STK32B: variants seen among roughly 807,000 people sequenced by gnomAD.
STK32B encodes serine/threonine kinase 32B.
STK32B carries 43 observed loss-of-function variants against 52.6 expected under a neutral mutation model. The observed-to-expected ratio is 0.82, with a 90% confidence interval of 0.64 to 1.05. The LOEUF is 1.05. Ranked by LOEUF, STK32B falls within the 50% of genes least tolerant of loss-of-function variation. The pLI, the probability that STK32B is intolerant of heterozygous loss-of-function variation, is 0.00. For missense variants in STK32B, 621 were observed against 534.6 expected (o/e 1.16, Z -1.59); for synonymous variants, 238 against 204.3 (o/e 1.17, Z -1.41).
intron 3 of STK32B, among the ~76,000 whole-genome samples, chr4:5,317,004 TAA>T (rs1491561407): frequency 2.8e-5 from 1 of 36,192 alleles, no homozygotes; most frequent in Non-Finnish European, 3.8e-5. Flanking sequence ...ATATAATATA[TAA>T]TATATATAAT....
Position 5,177,855 on chromosome 4 carries a change from G to T in STK32B, c.260+9405G>T, listed in dbSNP as rs530009802. Among the ~76,000 whole-genome samples, 5 of 152,318 alleles carry T rather than the reference G, an allele frequency of 3.3e-5. No individual in the cohort carries two copies. The South Asian group carries it at 1.0e-3, about 32-fold the overall frequency. On this transcript the variant is annotated intron_variant, in intron 3 of 11. Transcript: ENST00000282908. Reference sequence around the variant, plus strand: ...CAGGTCATGATGATGCAAGAGTTGGGCTCCCCAGGCCTTGGGCAGCTCTGC... The same window carrying T: ...CAGGTCATGATGATGCAAGAGTTGGTCTCCCCAGGCCTTGGGCAGCTCTGC...
chr4:5,165,833 ACT>A (rs1247159588), intron 2 of STK32B, among the ~76,000 whole-genome samples: 1 of 152,070 alleles, frequency 6.6e-6, no homozygotes, highest in Non-Finnish European at 1.5e-5. Context: ...CGTAAATTTT[ACT>A]CTGTGGAAAA....
At chr4:5,381,194 C>T (rs1203696815) in intron 4 of STK32B, among the ~76,000 whole-genome samples, 1 of 152,150 alleles carries the variant, frequency 6.6e-6, no homozygotes, top group Non-Finnish European at 1.5e-5. Context: ...CCCAAGACTC[C>T]CTGGTTAGGA....
chr4:5,117,759 A>C (rs1188921252), intron 1 of STK32B, among the ~76,000 whole-genome samples: 1 of 152,164 alleles, frequency 6.6e-6, no homozygotes, highest in African/African-American at 2.4e-5. Flanking sequence ...TATATTATGT[A>C]ATCAAATACA....
At chr4:5,443,754 G>C (rs1230332584) in intron 6 of STK32B, among the ~76,000 whole-genome samples, 1 of 152,072 alleles carries the variant, frequency 6.6e-6, no homozygotes, top group Admixed American at 6.5e-5. Flanking sequence ...GGTCTTTGAT[G>C]ATGGTGATGT....
At chr4:5,486,269 C>T (rs1719191896) in intron 11 of STK32B, among the ~76,000 whole-genome samples, 2 of 152,200 alleles carry the variant, frequency 1.3e-5, no homozygotes, top group African/African-American at 4.8e-5. Context: ...TGTTTACCTA[C>T]TCAAGCCTTG....
intron 4 of STK32B, among the ~76,000 whole-genome samples, chr4:5,377,029 C>T (rs1735630529): frequency 6.6e-6 from 1 of 152,156 alleles, no homozygotes; most frequent in African/African-American, 2.4e-5. Context: ...GACTGCTACA[C>T]CCCTGCCCCC....
intron 6 of STK32B, among the ~76,000 whole-genome samples, chr4:5,423,712 A>G (rs545741021): frequency 6.6e-6 from 1 of 152,102 alleles, no homozygotes; most frequent in African/African-American, 2.4e-5. Flanking sequence ...CACTAGGGAG[A>G]TGATGGGGCT....
rs564476123 is a variant in STK32B, at chr4:5,404,623, T to C, written c.472+6379T>C. Among the ~76,000 whole-genome samples the C allele has an allele frequency of 5.7e-4, 87 of 152,126 alleles. 1 individual carries two copies. The highest frequency in any genetic ancestry group is 2.0e-3 in the African/African-American group (85 of 41,474). On this transcript the variant is annotated intron_variant, in intron 5 of 11. Transcript: ENST00000282908. ...CAACCTCATCAACATGGATATCCTC[T>C]TCCATATTTTGGTCTCTTAATCTAC...
intron 3 of STK32B, among the ~76,000 whole-genome samples, chr4:5,264,879 C>A (rs1008530030): frequency 6.6e-6 from 1 of 152,046 alleles, no homozygotes; most frequent in African/African-American, 2.4e-5. Context: ...ATTCTTTATC[C>A]CAACATATGG....
At chr4:5,327,641 G>A (rs1023522500) in intron 3 of STK32B, among the ~76,000 whole-genome samples, 7 of 151,970 alleles carry the variant, frequency 4.6e-5, no homozygotes, top group Admixed American at 4.6e-4. Flanking sequence ...GCTGTCATCT[G>A]GGGTTTTTTA....
At chr4:5,083,740 A>ATTT (rs34158437) in intron 1 of STK32B, among the ~76,000 whole-genome samples, 32 of 144,238 alleles carry the variant, frequency 2.2e-4, no homozygotes, top group African/African-American at 6.4e-4. Flanking sequence ...TCTGTTACCT[A>ATTT]TTTTTTTTTT....
chr4:5,168,600 A>G, intron 3 of STK32B, 150 bp downstream of exon 3: 1 of 933,934 alleles, frequency 1.1e-6, no homozygotes, highest in Non-Finnish European at 1.6e-6. Flanking sequence ...TGTAGAGTAC[A>G]TTTTCTGATG....
intron 3 of STK32B, among the ~76,000 whole-genome samples, chr4:5,205,690 C>G (rs16836838): frequency 0.086 from 8,333 of 97,426 alleles, 424 homozygotes; most frequent in Admixed American, 0.26. Flanking sequence ...CAGTTCTAGA[C>G]CAGGCGCGCG....
At chr4:5,049,709 A>T (rs769708530), upstream of STK32B, among the ~76,000 whole-genome samples, 1 of 151,404 alleles carries the variant, frequency 6.6e-6, no homozygotes, top group Non-Finnish European at 1.5e-5. Context: ...AGGGGTTATG[A>T]TGGCTTAGCT....
chr4:5,392,844 A>G (rs566787668), intron 4 of STK32B, among the ~76,000 whole-genome samples: 1 of 152,162 alleles, frequency 6.6e-6, no homozygotes, highest in South Asian at 2.1e-4. Flanking sequence ...CACAACCAAC[A>G]CTCAATAAAG....
chr4:5,159,013 G>C (rs113796280), intron 2 of STK32B, among the ~76,000 whole-genome samples: 5 of 152,316 alleles, frequency 3.3e-5, no homozygotes, highest in Non-Finnish European at 7.3e-5. Flanking sequence ...ACTCACCTCT[G>C]TCATCTCATC....
At position 5,173,146 on chromosome 4, in the gene STK32B, G is replaced by A. The variant is rs189401642; in HGVS notation, c.260+4696G>A. On this transcript the variant is annotated intron_variant, in intron 3 of 11. Coordinates refer to ENST00000282908, the MANE Select transcript of STK32B (RefSeq NM_018401.3). ...TAGTAGTTTGTATTTCTGTGGGATC[G>A]GTGGTGATATCCCCTTTGTCATTTT... 6.4e-3 allele frequency among the ~76,000 whole-genome samples: 969 copies of A among 152,168 alleles called. 3 individuals are homozygous for A. Among genetic ancestry groups the A allele is most frequent in the Non-Finnish European group, 9.9e-3 (674 of 67,988 alleles).
chr4:5,468,193 A>C (rs1172395630), intron 11 of STK32B, 123 bp downstream of exon 11: 5 of 913,444 alleles, frequency 5.5e-6, no homozygotes, highest in Middle Eastern at 3.0e-4. Context: ...GGTATCGCTG[A>C]GGTGAGACAC....
Sources: allele counts gnomAD v4.1 joint callset (sites outside exome capture counted in the v4.1 genomes callset), GRCh38; gene constraint gnomAD v4.1.1; transcripts MANE v1.5; gene names NCBI Gene and HGNC (gene_info 2026-07-23, HGNC 2026-07-21).